Variants in LSR observed in about 807,000 individuals in gnomAD.
The protein encoded by LSR is lipolysis-stimulated lipoprotein receptor.
LSR carries 44 observed loss-of-function variants against 61.8 expected under a neutral mutation model. The observed-to-expected ratio is 0.71, with a 90% CI of 0.56 to 0.91. LSR has a LOEUF of 0.91. LSR is among the 40% of genes least tolerant of loss of function. The pLI is 0.00. For missense variants in LSR, 911 were observed against 830.5 expected, an observed-to-expected ratio of 1.10 and a Z score of -1.19; for synonymous variants, 397 against 350.6, an observed-to-expected ratio of 1.13 and a Z score of -1.48.
intron 2 of LSR, among the ~76,000 whole-genome samples, chr19:35,255,746 G>T (rs898886043): frequency 1.3e-5 from 2 of 152,116 alleles, no homozygotes. Context: ...CCCACTCCAC[G>T]CCTGGCACTC....
At chr19:35,267,773 GC>G (rs1568451079) in intron 9 of LSR, 39 bp downstream of exon 9, 1 of 1,613,484 alleles carries the variant, frequency 6.2e-7, no homozygotes, top group South Asian at 1.1e-5. Flanking sequence ...CCGTCCCTGG[GC>G]CCCCAGCCGG....
In LSR at chr19:35,267,585, C is replaced by A; in HGVS notation, c.1621C>A (p.Arg541=). The A allele has an allele frequency of 6.2e-7, 1 of 1,612,048 alleles. No individual in the cohort carries two copies. The highest frequency in any genetic ancestry group is 2.2e-5 in the East Asian group (1 of 44,856). Residue 541 remains arginine (R), a synonymous_variant, in exon 9 of 10, where the codon CGG becomes AGG. Coordinates refer to ENST00000605618, the MANE Select transcript of LSR (RefSeq NM_205834.4). ...SRSGDLPYDG[R]LLEEAVRKKG... is the part of the protein sequence containing the mutation. ...GTCCGGGGACCTCCCCTATGATGGGCGGCTACTGGAGGAGGCTGTGAGGAA... is the reference window on the plus strand; with the variant it reads ...GTCCGGGGACCTCCCCTATGATGGGAGGCTACTGGAGGAGGCTGTGAGGAA...
chr19:35,264,600 T>G (rs902565671), intron 5 of LSR: 1 of 152,244 alleles, frequency 6.6e-6, no homozygotes, highest in Non-Finnish European at 1.5e-5. Flanking sequence ...TAGACCAGCC[T>G]GTGTGCACAC....
chr19:35,250,560 C>G lies in LSR; in HGVS notation c.355C>G (p.Gln119Glu). The change falls in exon 2 of 10, where the codon CAG (glutamine) becomes GAG (glutamate). Residue 119 changes from glutamine (Q) to glutamate (E), a missense_variant. Transcript: ENST00000605618. The stretch of plus-strand genomic sequence containing the variant: ...AGGCTACAACCCCTACGTTGAGTGC[C>G]AGGACAGCGTGCGCACCGTCAGGGT... Reference protein sequence around the residue: ...NPGYNPYVECQDSVRTVRVVA... With the variant: ...NPGYNPYVECEDSVRTVRVVA... 1 of 1,613,888 alleles carries G rather than the reference C, an allele frequency of 6.2e-7. No homozygotes were observed. Among genetic ancestry groups the G allele is most frequent in the Non-Finnish European group, 8.5e-7 (1 of 1,179,870 alleles).
chr19:35,257,396 G>A (rs979582767), intron 2 of LSR, among the ~76,000 whole-genome samples: 5 of 152,188 alleles, frequency 3.3e-5, no homozygotes, highest in Non-Finnish European at 5.9e-5. Flanking sequence ...TAGAGACCAC[G>A]TCGTGCCAAG....
chr19:35,258,661 A>C (rs994279339), intron 2 of LSR, among the ~76,000 whole-genome samples: 2 of 152,032 alleles, frequency 1.3e-5, no homozygotes, highest in Non-Finnish European at 2.9e-5. Context: ...ACTGCTCTAT[A>C]CTGAAGAGCT....
At chr19:35,256,289 G>GCCT (rs1289826200) in intron 2 of LSR, among the ~76,000 whole-genome samples, 11 of 151,826 alleles carry the variant, frequency 7.2e-5, no homozygotes, top group African/African-American at 2.7e-4. Context: ...GCAGCAGAAT[G>GCCT]AGAAAAGTTT....
At chr19:35,260,855 C>T (rs919359515) in intron 3 of LSR, among the ~76,000 whole-genome samples, 4 of 151,738 alleles carry the variant, frequency 2.6e-5, no homozygotes, top group Non-Finnish European at 4.4e-5. Flanking sequence ...CACACACACA[C>T]GCATATAGTC....
chr19:35,256,567 T>G (rs1250570157), intron 2 of LSR, among the ~76,000 whole-genome samples: 1 of 152,220 alleles, frequency 6.6e-6, no homozygotes, highest in East Asian at 1.9e-4. Flanking sequence ...AACTTTGACC[T>G]CAGGATCTCC....
In LSR at chr19:35,266,734, C is replaced by T; in HGVS notation, c.1008C>T (p.Ala336=). 2 of 1,609,196 alleles carry T rather than the reference C, an allele frequency of 1.2e-6. No homozygotes were observed. The highest frequency in any genetic ancestry group is 4.5e-5 in the East Asian group (2 of 44,720). ...TTCGGGACACGGACAGCAGTGTGGC[C>T]TCTGGTGAGAATCCATCGTCCCGAA... ...PLLRDTDSSV[A]SEVRSGYRIQ... The change falls in exon 7 of 10, where the codon GCC becomes GCT. Residue 336 remains alanine, a synonymous_variant. Coordinates refer to ENST00000605618, the MANE Select transcript of LSR (RefSeq NM_205834.4).
At chr19:35,256,405 G>C (rs1472358834) in intron 2 of LSR, among the ~76,000 whole-genome samples, 1 of 152,236 alleles carries the variant, frequency 6.6e-6, no homozygotes, top group African/African-American at 2.4e-5. Flanking sequence ...CATTGTGAAT[G>C]AGAAGGTGGC....
intron 4 of LSR, 55 bp downstream of exon 4, chr19:35,262,036 C>T: frequency 7.1e-7 from 1 of 1,414,542 alleles, no homozygotes; most frequent in Non-Finnish European, 9.6e-7. Context: ...ACATCACCTA[C>T]TGCTTCTGAC....
At chr19:35,260,230 T>G (rs1599600487) in intron 3 of LSR, among the ~76,000 whole-genome samples, 1 of 152,218 alleles carries the variant, frequency 6.6e-6, no homozygotes, top group East Asian at 1.9e-4. Context: ...TTTGTTTGTT[T>G]CTGTGGGTTT....
chr19:35,261,573 TG>T (rs1311702038), intron 3 of LSR, among the ~76,000 whole-genome samples: 7 of 152,166 alleles, frequency 4.6e-5, no homozygotes, highest in Non-Finnish European at 1.0e-4. Flanking sequence ...CTGTGCCTGC[TG>T]GAACAGGACA....
rs1261358157 is a variant in LSR at position 35,250,321 on chromosome 19, C to T, written c.116C>T (p.Ala39Val). Residue 39 changes from alanine to valine, a missense_variant, in exon 2 of 10, where the codon GCC (alanine) becomes GTC (valine). By Grantham distance (64) the Ala-to-Val change is moderately conservative. Coordinates refer to ENST00000605618, the MANE Select transcript of LSR (RefSeq NM_205834.4). ...LLLSTWCTAP[A>V]RAIQVTVSNP... is the part of the protein sequence containing the mutation. ...TCTCTCCTCTTGCCCTCAGCTCCTG[C>T]CAGGGCCATCCAGGTGACCGTGTCC... 6.5e-7 allele frequency: 1 copy of T among 1,544,264 alleles called. No individual in the cohort carries two copies. The highest frequency in any genetic ancestry group is 8.8e-7 in the Non-Finnish European group (1 of 1,138,150).
At chr19:35,253,111 G>C (rs1267480890) in intron 2 of LSR, among the ~76,000 whole-genome samples, 1 of 152,182 alleles carries the variant, frequency 6.6e-6, no homozygotes, top group Middle Eastern at 3.2e-3. Flanking sequence ...CCTGAGGTCA[G>C]GAGATCGAGA....
intron 3 of LSR, among the ~76,000 whole-genome samples, chr19:35,260,014 A>G (rs2065906186): frequency 6.6e-6 from 1 of 152,222 alleles, no homozygotes; most frequent in African/African-American, 2.4e-5. Context: ...GTACACTGCC[A>G]TCTTCACATG....
chr19:35,257,495 G>C (rs1049595802), intron 2 of LSR, among the ~76,000 whole-genome samples: 6 of 152,186 alleles, frequency 3.9e-5, no homozygotes, highest in Non-Finnish European at 7.3e-5. Flanking sequence ...TTTTTCTGTA[G>C]ACATGAGGCC....
At position 35,266,941 on chromosome 19, in the gene LSR, GC is replaced by G; in HGVS notation, c.1125del (p.Ser376ValfsTer8). On this transcript the variant is annotated frameshift_variant, in exon 8 of 10. Coordinates refer to ENST00000605618, the MANE Select transcript of LSR (RefSeq NM_205834.4). LOFTEE classifies it high-confidence loss of function. Reference protein sequence around the residue: ...ELANFDPSRPGPPSGRVERAM... With the variant: ...ELANFDPSRPXPPSGRVERAM... ...GCCAACTTCGACCCTTCTCGACCTGGCCCCCCCAGTGGCCGTGTGGAGCGGG... is the reference window on the plus strand; with the variant it reads ...GCCAACTTCGACCCTTCTCGACCTGGCCCCCCAGTGGCCGTGTGGAGCGGG... 3 of 1,613,348 alleles carry G rather than the reference GC, an allele frequency of 1.9e-6. No individual in the cohort carries two copies. The highest frequency in any genetic ancestry group is 1.7e-6 in the Non-Finnish European group (2 of 1,179,700).
Sources: gnomAD v4.1 joint callset for allele counts (sites outside exome capture counted in the v4.1 genomes callset) on GRCh38, gnomAD v4.1.1 for gene constraint, MANE v1.5 for transcripts, NCBI Gene and HGNC (gene_info 2026-07-23, HGNC 2026-07-21) for gene names.